TENM2: variants seen among roughly 807,000 people sequenced by gnomAD.
TENM2 encodes the protein teneurin-2.
Under a neutral mutation model 245.2 loss-of-function variants are expected in TENM2, and 52 were observed. The observed-to-expected ratio is 0.21, with a 90% CI of 0.17 to 0.27. The LOEUF (loss-of-function observed/expected upper bound fraction) is 0.27, where lower values mean the gene tolerates loss of function less well. TENM2 is among the 10% of genes least tolerant of loss of function. The pLI is 1.00. For missense variants in TENM2, 3,046 were observed against 3,666.8 expected, an observed-to-expected ratio of 0.83 and a Z score of 4.37; for synonymous variants, 1,363 against 1,438.9, an observed-to-expected ratio of 0.95 and a Z score of 1.19.
At chr5:167,890,015 G>A (rs950020340) in intron 3 of TENM2, among the ~76,000 whole-genome samples, 1 of 152,104 alleles carries the variant, frequency 6.6e-6, no homozygotes, top group African/African-American at 2.4e-5. Context: ...GGAAACCATG[G>A]TGAAGAAAGA....
At chr5:167,819,271 C>T (rs141533987) in intron 2 of TENM2, among the ~76,000 whole-genome samples, 4 of 152,210 alleles carry the variant, frequency 2.6e-5, no homozygotes, top group East Asian at 1.9e-4. Flanking sequence ...TCTCAGACAG[C>T]GCTTTTCCTC....
chr5:168,256,831 T>G (rs1325225673), intron 27 of TENM2, among the ~76,000 whole-genome samples: 1 of 152,222 alleles, frequency 6.6e-6, no homozygotes, highest in Non-Finnish European at 1.5e-5. Context: ...CCCAGATTCC[T>G]TCTCCTTAGA....
At chr5:167,682,105 C>T (rs1756758611) in intron 2 of TENM2, among the ~76,000 whole-genome samples, 1 of 85,796 alleles carries the variant, frequency 1.2e-5, no homozygotes, top group African/African-American at 4.6e-5. Context: ...TCCCTCCCTC[C>T]CTCCCTCCCT....
At chr5:168,079,436 T>G (rs536359075) in intron 7 of TENM2, among the ~76,000 whole-genome samples, 1 of 152,200 alleles carries the variant, frequency 6.6e-6, no homozygotes, top group African/African-American at 2.4e-5. Flanking sequence ...TTCTCCTGCC[T>G]GATTGCCCTG....
chr5:168,025,911 G>T (rs1786579752), intron 5 of TENM2, among the ~76,000 whole-genome samples: 1 of 152,220 alleles, frequency 6.6e-6, no homozygotes, highest in East Asian at 1.9e-4. Flanking sequence ...CTCTGTGTGG[G>T]AGAGGGCCTA....
At chr5:167,202,938 T>C in the TENM2 span, among the ~76,000 whole-genome samples, 1 of 152,082 alleles carries the variant, frequency 6.6e-6, no homozygotes, top group Admixed American at 6.5e-5. Context: ...CTAAGACAAA[T>C]CCTACATGGT....
chr5:168,246,990 G>A, exon 27 of TENM2: 1 of 1,613,950 alleles, frequency 6.2e-7, no homozygotes, highest in Non-Finnish European at 8.5e-7. Context: ...CCGGACGCCA[G>A]GTGTTCTACA....
In TENM2 at chr5:167,897,897, T is replaced by G. The variant is rs867832740; in HGVS notation, c.712+21702T>G. On this transcript the variant is annotated intron_variant, in intron 3 of 28. Coordinates refer to ENST00000518659, the Ensembl canonical transcript of TENM2. ...GGTAATCCGTAGTAAATTGTTTTTT[T>G]TTTTTTTTTTTTTGCATCTGCTGGG... 8.2e-3 allele frequency among the ~76,000 whole-genome samples: 1,231 copies of G among 149,418 alleles called. 17 individuals carry two copies. The highest frequency in any genetic ancestry group is 0.028 in the African/African-American group (1,149 of 40,656).
chr5:167,779,367 A>G (rs976237269), intron 2 of TENM2, among the ~76,000 whole-genome samples: 1 of 152,196 alleles, frequency 6.6e-6, no homozygotes, highest in African/African-American at 2.4e-5. Context: ...CAACAGAGAT[A>G]GTATTAGAAG....
At chr5:167,551,042 A>G (rs5024074) in intron 2 of TENM2, among the ~76,000 whole-genome samples, 14,887 of 152,042 alleles carry the variant, frequency 0.098, 793 homozygotes, top group African/African-American at 0.11. Context: ...ACCTTCTCAT[A>G]TAGTGGAGTT....
At chr5:167,199,971 G>A in the TENM2 span, among the ~76,000 whole-genome samples, 596 of 152,074 alleles carry the variant, frequency 3.9e-3, 4 homozygotes, top group Non-Finnish European at 6.0e-3. Flanking sequence ...GTAGAAAGGG[G>A]GTACAAACTC....
chr5:168,076,506 G>A (rs1791492329), intron 7 of TENM2, among the ~76,000 whole-genome samples: 1 of 152,042 alleles, frequency 6.6e-6, no homozygotes, highest in South Asian at 2.1e-4. Context: ...TTACCGGCGT[G>A]AGCCACTACA....
At chr5:167,296,695 C>G (rs1754967570) in intron 1 of TENM2, among the ~76,000 whole-genome samples, 1 of 152,216 alleles carries the variant, frequency 6.6e-6, no homozygotes, top group Non-Finnish European at 1.5e-5. Flanking sequence ...TGCCTGGCGG[C>G]AGCTTTGGGT....
chr5:167,996,192 C>T (rs1453274735), intron 5 of TENM2, among the ~76,000 whole-genome samples: 1 of 152,116 alleles, frequency 6.6e-6, no homozygotes, highest in African/African-American at 2.4e-5. Flanking sequence ...GATCCAGGCC[C>T]GTGGGCGGGT....
intron 23 of TENM2, among the ~76,000 whole-genome samples, chr5:168,224,211 C>CTAAG (rs1763935055): frequency 6.6e-6 from 1 of 152,172 alleles, no homozygotes; most frequent in Non-Finnish European, 1.5e-5. Flanking sequence ...TTTAGCAGAC[C>CTAAG]TAAGTCCCCA....
intron 2 of TENM2, among the ~76,000 whole-genome samples, chr5:167,672,688 C>G (rs530879672): frequency 6.6e-6 from 1 of 151,970 alleles, no homozygotes; most frequent in Admixed American, 6.6e-5. Context: ...GGTGTTAACG[C>G]GGTGGATTCC....
chr5:168,112,606 C>CAGG (rs774514125), intron 9 of TENM2, among the ~76,000 whole-genome samples: 1 of 64,082 alleles, frequency 1.6e-5, no homozygotes, highest in Admixed American at 1.6e-4. Context: ...GTGCAGTGGG[C>CAGG]GGGGGGGGGG....
chr5:167,216,305 G>A, the TENM2 span, among the ~76,000 whole-genome samples: 1 of 152,116 alleles, frequency 6.6e-6, no homozygotes, highest in African/African-American at 2.4e-5. Context: ...TTATTTATGG[G>A]GAAAGGATCA....
chr5:168,012,144 C>G (rs1373434345), intron 5 of TENM2, among the ~76,000 whole-genome samples: 1 of 152,170 alleles, frequency 6.6e-6, no homozygotes, highest in African/African-American at 2.4e-5. Flanking sequence ...AGAACCGCCC[C>G]TAATAACAAT....
Sources: gnomAD v4.1 joint callset for allele counts (sites outside exome capture counted in the v4.1 genomes callset) on GRCh38, gnomAD v4.1.1 for gene constraint, MANE v1.5 for transcripts, NCBI Gene and HGNC (gene_info 2026-07-23, HGNC 2026-07-21) for gene names.